Variants in MYO1B observed in about 807,000 individuals in gnomAD.
MYO1B encodes myosin IB, also known as unconventional myosin-Ib.
A neutral mutation model predicts 159.7 loss-of-function variants in MYO1B; 72 were observed. That is an observed-to-expected ratio of 0.45 (90% CI 0.37 to 0.55). The LOEUF (loss-of-function observed/expected upper bound fraction) is 0.55. MYO1B is among the 20% of genes least tolerant of loss of function. The probability of loss-of-function intolerance (pLI) is 0.00; values close to 1 mark genes in which losing one functional copy is unlikely to be tolerated. For missense variants in MYO1B, 1,062 were observed against 1,364.8 expected (o/e 0.78, Z 3.50); for synonymous variants, 468 against 473.8 (o/e 0.99, Z 0.16).
intron 1 of MYO1B, among the ~76,000 whole-genome samples, chr2:191,259,140 C>A (rs1003076133): frequency 6.6e-6 from 1 of 152,188 alleles, no homozygotes; most frequent in Non-Finnish European, 1.5e-5. Context: ...AGTTAATAAC[C>A]CCCACAGATG....
At chr2:191,370,198 T>C (rs1248250153) in intron 12 of MYO1B, 29 bp from the exon 13 acceptor site, 1 of 1,538,890 alleles carries the variant, frequency 6.5e-7, no homozygotes. Context: ...CATGCCTTAA[T>C]TAACCCTTTA....
chr2:191,261,201 C>T (rs1383641850), intron 1 of MYO1B, among the ~76,000 whole-genome samples: 2 of 152,144 alleles, frequency 1.3e-5, no homozygotes, highest in Non-Finnish European at 2.9e-5. Flanking sequence ...CCCAGACCTG[C>T]GTGTGCCCGG....
intron 27 of MYO1B, among the ~76,000 whole-genome samples, chr2:191,413,349 G>A (rs1408281586): frequency 6.6e-6 from 1 of 152,146 alleles, no homozygotes; most frequent in Non-Finnish European, 1.5e-5. Flanking sequence ...TTATAATAAA[G>A]TGTTGGATAT....
intron 24 of MYO1B, among the ~76,000 whole-genome samples, chr2:191,406,923 G>A (rs1696951888): frequency 6.6e-6 from 1 of 152,212 alleles, no homozygotes; most frequent in African/African-American, 2.4e-5. Context: ...GGTAGAGAAT[G>A]GGTCTGGTGC....
chr2:191,277,706 G>A (rs1330375023), intron 2 of MYO1B, among the ~76,000 whole-genome samples: 1 of 152,128 alleles, frequency 6.6e-6, no homozygotes, highest in East Asian at 1.9e-4. Context: ...TTTGCATAAA[G>A]CATCTGCAGA....
At chr2:191,363,583 G>A (rs1693813731) in intron 9 of MYO1B, 145 bp from the exon 10 acceptor site, 14 of 1,114,206 alleles carry the variant, frequency 1.3e-5, no homozygotes, top group Middle Eastern at 3.0e-4. Flanking sequence ...AGGGTTCCTC[G>A]AATCACAGTT....
chr2:191,394,768 T>C (rs1397839499), intron 20 of MYO1B, among the ~76,000 whole-genome samples: 2 of 152,196 alleles, frequency 1.3e-5, no homozygotes, highest in Non-Finnish European at 2.9e-5. Context: ...GTACCTTTTC[T>C]CCCAATATAA....
intron 30 of MYO1B, among the ~76,000 whole-genome samples, chr2:191,419,155 A>G (rs1697770703): frequency 6.6e-6 from 1 of 152,242 alleles, no homozygotes; most frequent in South Asian, 2.1e-4. Context: ...AGCACATACA[A>G]TTATGTACAA....
intron 24 of MYO1B, among the ~76,000 whole-genome samples, chr2:191,407,197 G>C (rs1696971498): frequency 6.6e-6 from 1 of 152,182 alleles, no homozygotes; most frequent in Non-Finnish European, 1.5e-5. Context: ...ACATTTATCT[G>C]TAAACTGAAT....
chr2:191,396,541 G>T (rs980273874), intron 21 of MYO1B, 44 bp downstream of exon 21: 1 of 1,594,980 alleles, frequency 6.3e-7, no homozygotes, highest in Admixed American at 1.7e-5. Context: ...GGGTTTTCTG[G>T]TTTTTCACAA....
At chr2:191,357,923 T>C (rs985037129) in intron 7 of MYO1B, among the ~76,000 whole-genome samples, 2 of 152,210 alleles carry the variant, frequency 1.3e-5, no homozygotes, top group African/African-American at 4.8e-5. Flanking sequence ...GCTTGTGACT[T>C]ATGAGAAAAG....
At chr2:191,404,979 C>A (rs895318378) in intron 24 of MYO1B, among the ~76,000 whole-genome samples, 1 of 152,142 alleles carries the variant, frequency 6.6e-6, no homozygotes, top group African/African-American at 2.4e-5. Flanking sequence ...GACTTCCTTT[C>A]CTGAAAGATT....
intron 14 of MYO1B, among the ~76,000 whole-genome samples, chr2:191,382,455 T>TCTGG (rs1695099234): frequency 6.6e-6 from 1 of 152,222 alleles, no homozygotes; most frequent in Non-Finnish European, 1.5e-5. Flanking sequence ...TTTATACTTG[T>TCTGG]CTGGCACCTT....
chr2:191,249,189 C>T (rs1685968779), intron 1 of MYO1B, among the ~76,000 whole-genome samples: 1 of 152,130 alleles, frequency 6.6e-6, no homozygotes. Flanking sequence ...CACTTTGCTT[C>T]TTAACTGAGA....
At chr2:191,315,683 T>C (rs1690301425) in intron 3 of MYO1B, among the ~76,000 whole-genome samples, 1 of 152,266 alleles carries the variant, frequency 6.6e-6, no homozygotes, top group African/African-American at 2.4e-5. Flanking sequence ...TGAGACTGAC[T>C]ATGTGAAGGG....
chr2:191,304,084 C>G (rs941482502), intron 3 of MYO1B, among the ~76,000 whole-genome samples: 1 of 152,156 alleles, frequency 6.6e-6, no homozygotes, highest in African/African-American at 2.4e-5. Context: ...AGTTTCATAT[C>G]AGCAGTGCAA....
intron 24 of MYO1B, among the ~76,000 whole-genome samples, chr2:191,403,139 G>A (rs1402079078): frequency 6.6e-6 from 1 of 152,096 alleles, no homozygotes; most frequent in Non-Finnish European, 1.5e-5. Flanking sequence ...AATAATGGCT[G>A]CCTGCAGTAG....
chr2:191,341,394 C>A, intron 4 of MYO1B, 67 bp from the exon 5 acceptor site: 1 of 1,349,862 alleles, frequency 7.4e-7, no homozygotes, highest in South Asian at 1.3e-5. Context: ...TCCCACATTT[C>A]CTCCTCCCCA....
chr2:191,418,723 A>C (rs1427309819), intron 30 of MYO1B, among the ~76,000 whole-genome samples: 1 of 152,114 alleles, frequency 6.6e-6, no homozygotes. Flanking sequence ...TCCTGACCTC[A>C]GGTGATCCGC....
Sources: gnomAD v4.1 joint callset for allele counts (sites outside exome capture counted in the v4.1 genomes callset) on GRCh38, gnomAD v4.1.1 for gene constraint, MANE v1.5 for transcripts, NCBI Gene and HGNC (gene_info 2026-07-23, HGNC 2026-07-21) for gene names.